The following FIP1L1 variants were observed in gnomAD, a reference collection of about 807,000 sequenced individuals.
The protein encoded by FIP1L1 is factor interacting with PAPOLA and CPSF1.
FIP1L1 carries 21 observed loss-of-function variants against 84.6 expected under a neutral mutation model. The observed-to-expected ratio is 0.25, with a 90% CI of 0.18 to 0.36. FIP1L1 has a LOEUF of 0.36. Among genes scored for constraint, FIP1L1 ranks in the 10% least tolerant of loss-of-function variants. The pLI, the probability that FIP1L1 is intolerant of heterozygous loss-of-function variation, is 1.00. For missense variants in FIP1L1, 526 were observed against 751.1 expected, an observed-to-expected ratio of 0.70 and a Z score of 3.50; for synonymous variants, 263 against 242.3, an observed-to-expected ratio of 1.09 and a Z score of -0.80.
rs1721656789 is a variant in FIP1L1, at chr4:53,460,269, C to CTT, written c.*821_*822dup. On this transcript the variant is annotated 3_prime_UTR_variant, in exon 18 of 18. Transcript: ENST00000337488. ...TGGAAAAAAAGAGCTTTAGCCATTT[C>CTT]TTACTAAAAACAAAACAAGTTTATA... The CTT allele has an allele frequency of 5.2e-6, 1 of 192,048 alleles. No homozygotes were observed. Among genetic ancestry groups the CTT allele is most frequent in the East Asian group, 8.3e-5 (1 of 12,044 alleles). 11.9% of individuals were successfully genotyped at this position (192,048 alleles called of 1,614,324 possible). A position where few individuals can be genotyped will look rare whatever the true frequency, so the allele number is the denominator to read the frequency against.
intron 10 of FIP1L1, among the ~76,000 whole-genome samples, chr4:53,408,386 C>T (rs1755018631): frequency 6.6e-6 from 1 of 152,152 alleles, no homozygotes; most frequent in South Asian, 2.1e-4. Context: ...ATGGGCTTCA[C>T]TTTGTGGGTA....
At chr4:53,390,886 A>G (rs762754226) in intron 7 of FIP1L1, 123 bp from the exon 8 acceptor site, 36 of 834,916 alleles carry the variant, frequency 4.3e-5, no homozygotes, top group Non-Finnish European at 6.4e-5. Flanking sequence ...TTTTGCCACC[A>G]TAAATGATAG....
intron 9 of FIP1L1, among the ~76,000 whole-genome samples, chr4:53,399,178 T>G (rs1242400406): frequency 1.3e-5 from 2 of 152,298 alleles, no homozygotes; most frequent in East Asian, 3.9e-4. Flanking sequence ...CTTCAAGCTT[T>G]TAAGCCTACT....
intron 10 of FIP1L1, among the ~76,000 whole-genome samples, chr4:53,409,783 A>C (rs1756108708): frequency 6.6e-6 from 1 of 152,066 alleles, no homozygotes. Context: ...TGGGCGTAGG[A>C]CCCTCCGACC....
chr4:53,406,859 C>A (rs1408491984), intron 10 of FIP1L1, among the ~76,000 whole-genome samples: 2 of 151,972 alleles, frequency 1.3e-5, no homozygotes, highest in Non-Finnish European at 2.9e-5. Flanking sequence ...GGTGATATCC[C>A]CTTTGTCATT....
chr4:53,386,714 A>G lies in FIP1L1; in HGVS notation c.332+2838A>G, dbSNP rs148280182. ...AGTACATGGCTGGAGGATAAGGTAG[A>G]TGAAAAGAGATGGTTGAAATCACTT... On this transcript the variant is annotated intron_variant, in intron 5 of 17. Coordinates refer to ENST00000337488, the MANE Select transcript of FIP1L1 (RefSeq NM_030917.4). Among the ~76,000 whole-genome samples, 206 of 152,324 alleles carry G rather than the reference A, an allele frequency of 1.4e-3. 1 individual carries two copies. Among genetic ancestry groups the G allele is most frequent in the Non-Finnish European group, 2.4e-3 (161 of 68,026 alleles).
Position 53,414,707 on chromosome 4 carries a change from A to AATC in FIP1L1, c.910_912dup (p.Ser304dup), listed in dbSNP as rs1215483267. 2 of 1,611,754 alleles carry AATC rather than the reference A, an allele frequency of 1.2e-6. No homozygotes were observed. Among genetic ancestry groups the AATC allele is most frequent in the Admixed American group, 3.3e-5 (2 of 59,992 alleles). On this transcript the variant is annotated inframe_insertion, in exon 11 of 18. Transcript: ENST00000337488. ...TGGCAGGATCGATATGGGAGGGCCGAATCACCTGATCTAAGGTAAGGCTAT... is the reference window on the plus strand; with the variant it reads ...TGGCAGGATCGATATGGGAGGGCCGAATCATCACCTGATCTAAGGTAAGGCTAT...
In FIP1L1 at chr4:53,458,820, T is replaced by C. The variant is rs199818107; in HGVS notation, c.1637+30T>C. 3.6e-3 allele frequency: 5,709 copies of C among 1,600,352 alleles called. 8 individuals are homozygous for C. Among genetic ancestry groups the C allele is most frequent in the Non-Finnish European group, 4.3e-3 (5,014 of 1,173,122 alleles). On this transcript the variant is annotated intron_variant, in intron 17 of 17. Transcript: ENST00000337488. ...GCTCTTTAATAAAATAGTGAACCAA[T>C]AGTATGTGAGAGATTTTGACTTACT...
intron 10 of FIP1L1, 63 bp from the exon 11 acceptor site, chr4:53,414,550 AAC>A: frequency 1.8e-6 from 2 of 1,107,322 alleles, no homozygotes; most frequent in Admixed American, 2.5e-5. Flanking sequence ...AAAAAAAAAA[AAC>A]AGAACAAGGG....
chr4:53,420,156 C>G (rs535438343), intron 11 of FIP1L1, among the ~76,000 whole-genome samples: 3 of 133,898 alleles, frequency 2.2e-5, no homozygotes, highest in African/African-American at 8.3e-5. Flanking sequence ...TGAGATCGCG[C>G]CACTGCACTC....
chr4:53,392,496 G>A (rs1744778565), intron 9 of FIP1L1, among the ~76,000 whole-genome samples: 3 of 152,210 alleles, frequency 2.0e-5, no homozygotes, highest in South Asian at 4.1e-4. Context: ...GAAAGTATGT[G>A]ATGATGTCTG....
chr4:53,394,987 G>A (rs1398555123), intron 9 of FIP1L1, among the ~76,000 whole-genome samples: 3 of 151,948 alleles, frequency 2.0e-5, no homozygotes, highest in Non-Finnish European at 4.4e-5. Flanking sequence ...GCATAATTTG[G>A]GTGAGTATTT....
Position 53,414,691 on chromosome 4 carries a change from C to T in FIP1L1, c.892C>T (p.Arg298Ter), listed in dbSNP as rs1175034355. 1.4e-5 allele frequency: 22 copies of T among 1,612,940 alleles called. No individual in the cohort carries two copies. The highest frequency in any genetic ancestry group is 1.8e-5 in the Non-Finnish European group (21 of 1,179,240). ...ANSSVGKWQD[R>*]YGRAESPDLR... ...TTCAAGCGTTGGGAAGTGGCAGGAT[C>T]GATATGGGAGGGCCGAATCACCTGA... Residue 298 changes from arginine (R) to a stop codon, truncating the protein, a stop_gained, in exon 11 of 18, where the codon CGA becomes TGA. Coordinates refer to ENST00000337488, the MANE Select transcript of FIP1L1 (RefSeq NM_030917.4). LOFTEE classifies it high-confidence loss of function.
At chr4:53,408,186 C>T (rs1410473634) in intron 10 of FIP1L1, among the ~76,000 whole-genome samples, 1 of 152,102 alleles carries the variant, frequency 6.6e-6, no homozygotes, top group Non-Finnish European at 1.5e-5. Flanking sequence ...TTAGGGCAGG[C>T]CTGGTGGTGA....
chr4:53,385,959 C>T (rs1740809043), intron 5 of FIP1L1, among the ~76,000 whole-genome samples: 1 of 151,140 alleles, frequency 6.6e-6, no homozygotes, highest in African/African-American at 2.4e-5. Flanking sequence ...ACAGCGTTTT[C>T]AGAAGCAAAT....
chr4:53,404,321 C>T (rs1214277725), intron 10 of FIP1L1, among the ~76,000 whole-genome samples: 1 of 151,716 alleles, frequency 6.6e-6, no homozygotes, highest in Non-Finnish European at 1.5e-5. Context: ...TCATCCATGT[C>T]CCTGCAAAGG....
intron 13 of FIP1L1, among the ~76,000 whole-genome samples, chr4:53,432,737 G>C: frequency 6.6e-6 from 1 of 152,192 alleles, no homozygotes. Context: ...GTAATAGCTA[G>C]AAAATAGTAA....
chr4:53,390,467 A>G, intron 6 of FIP1L1, 54 bp from the exon 7 acceptor site: 1 of 1,054,292 alleles, frequency 9.5e-7, no homozygotes, highest in Non-Finnish European at 1.5e-6. Context: ...TGTCTATGGT[A>G]TCGCCTGGCT....
chr4:53,379,288 C>G lies in FIP1L1; in HGVS notation c.170+24C>G, dbSNP rs375375636. On this transcript the variant is annotated intron_variant, in intron 3 of 17. Coordinates refer to ENST00000337488, the MANE Select transcript of FIP1L1 (RefSeq NM_030917.4). Reference sequence around the variant, plus strand: ...AGGTTAGTGAAATTTTCTGTTGATGCCTATTACACAGGTTGTGTGAAACAA... The same window carrying G: ...AGGTTAGTGAAATTTTCTGTTGATGGCTATTACACAGGTTGTGTGAAACAA... The G allele has an allele frequency of 2.4e-5, 38 of 1,564,162 alleles. No individual in the cohort carries two copies. In the African/African-American group the frequency reaches 4.8e-4, roughly 20 times the overall value.
Sources: gnomAD v4.1 joint callset for allele counts (sites outside exome capture counted in the v4.1 genomes callset) on GRCh38, gnomAD v4.1.1 for gene constraint, MANE v1.5 for transcripts, NCBI Gene and HGNC (gene_info 2026-07-23, HGNC 2026-07-21) for gene names.